Variants in NELL1 observed in about 807,000 individuals in gnomAD.
NELL1 encodes protein kinase C-binding protein NELL1.
Under a neutral mutation model 107.4 loss-of-function variants are expected in NELL1, and 76 were observed. The ratio of observed to expected loss-of-function variants is 0.71; its 90% CI spans 0.59 to 0.86. NELL1 has a LOEUF of 0.86. NELL1 is among the 40% of genes least tolerant of loss of function. The pLI is 0.00. For missense variants in NELL1, 1,024 were observed against 1,005.5 expected (o/e 1.02, Z -0.25); for synonymous variants, 353 against 341.2 (o/e 1.03, Z -0.38).
At chr11:21,003,409 T>G (rs1852265280) in intron 12 of NELL1, among the ~76,000 whole-genome samples, 1 of 152,124 alleles carries the variant, frequency 6.6e-6, no homozygotes, top group Non-Finnish European at 1.5e-5. Context: ...AAAATGCCAG[T>G]TTTTTTGCTA....
At chr11:20,956,057 A>G (rs1313591089) in intron 11 of NELL1, among the ~76,000 whole-genome samples, 2 of 151,986 alleles carry the variant, frequency 1.3e-5, no homozygotes, top group African/African-American at 4.8e-5. Context: ...CATCTCTACT[A>G]AAAATACAAA....
intron 9 of NELL1, among the ~76,000 whole-genome samples, chr11:20,929,351 C>T (rs1017312011): frequency 2.0e-5 from 3 of 152,108 alleles, no homozygotes; most frequent in Non-Finnish European, 4.4e-5. Flanking sequence ...CCTATTATGA[C>T]ACTGAAAGTG....
At chr11:20,938,258 T>A (rs1294233143) in intron 10 of NELL1, among the ~76,000 whole-genome samples, 1 of 152,154 alleles carries the variant, frequency 6.6e-6, no homozygotes, top group South Asian at 2.1e-4. Context: ...TGCCTCTTCC[T>A]CCTGCCTGCC....
chr11:21,075,679 C>G (rs565855385), intron 12 of NELL1, among the ~76,000 whole-genome samples: 1 of 152,286 alleles, frequency 6.6e-6, no homozygotes, highest in Admixed American at 6.5e-5. Flanking sequence ...CACCTATGCT[C>G]AAGTGATCCT....
chr11:20,711,354 G>A (rs1171776401), intron 2 of NELL1, among the ~76,000 whole-genome samples: 4 of 152,080 alleles, frequency 2.6e-5, no homozygotes, highest in African/African-American at 9.7e-5. Context: ...TATTTTTTAA[G>A]TCAAGCATTT....
chr11:20,928,142 G>C (rs1236754334), intron 8 of NELL1, among the ~76,000 whole-genome samples: 1 of 152,168 alleles, frequency 6.6e-6, no homozygotes, highest in Non-Finnish European at 1.5e-5. Flanking sequence ...AATCTAGTTA[G>C]CACACATGGG....
At chr11:20,885,312 T>C (rs948660589) in intron 4 of NELL1, 132 bp from the exon 5 acceptor site, 17 of 635,530 alleles carry the variant, frequency 2.7e-5, no homozygotes, top group Non-Finnish European at 4.9e-5. Context: ...ATGTTATCTG[T>C]CATGTAAAGT....
intron 8 of NELL1, 32 bp from the exon 9 acceptor site, chr11:20,928,345 T>G (rs2134173191): frequency 6.9e-4 from 1,049 of 1,511,744 alleles, no homozygotes; most frequent in Non-Finnish European, 8.8e-4. Flanking sequence ...AGGATACTTC[T>G]GAGATTATGT....
At chr11:20,995,901 G>T (rs1342520129) in intron 12 of NELL1, among the ~76,000 whole-genome samples, 8 of 152,196 alleles carry the variant, frequency 5.3e-5, no homozygotes, top group African/African-American at 1.7e-4. Flanking sequence ...ACTGGGCACT[G>T]AACTAGATGG....
chr11:21,014,237 T>C (rs1274770546), intron 12 of NELL1, among the ~76,000 whole-genome samples: 1 of 152,086 alleles, frequency 6.6e-6, no homozygotes, highest in Non-Finnish European at 1.5e-5. Flanking sequence ...TGACTATGAC[T>C]CGATGCTTCC....
intron 15 of NELL1, among the ~76,000 whole-genome samples, chr11:21,510,559 T>G (rs1855410523): frequency 6.6e-6 from 1 of 152,190 alleles, no homozygotes; most frequent in African/African-American, 2.4e-5. Flanking sequence ...GTAATGTCTT[T>G]GCTCCTACCC....
At chr11:20,979,427 T>TACC (rs1851704863) in intron 12 of NELL1, among the ~76,000 whole-genome samples, 1 of 152,182 alleles carries the variant, frequency 6.6e-6, no homozygotes, top group South Asian at 2.1e-4. Flanking sequence ...CTACTGGGCC[T>TACC]ACCCCCATGT....
intron 9 of NELL1, among the ~76,000 whole-genome samples, chr11:20,933,019 G>C (rs1850650051): frequency 6.6e-6 from 1 of 152,254 alleles, no homozygotes; most frequent in Admixed American, 6.5e-5. Flanking sequence ...ATAACTGCCA[G>C]AGGGAATTGC....
At chr11:20,730,044 A>G (rs1721766995) in intron 2 of NELL1, among the ~76,000 whole-genome samples, 1 of 152,188 alleles carries the variant, frequency 6.6e-6, no homozygotes. Context: ...GCTTAATCAT[A>G]TAGGACCTTA....
At chr11:21,161,323 A>G (rs2133800242) in intron 13 of NELL1, among the ~76,000 whole-genome samples, 1 of 152,304 alleles carries the variant, frequency 6.6e-6, no homozygotes, top group Middle Eastern at 3.4e-3. Context: ...AGATCATTTG[A>G]GGCCAGGAGT....
At chr11:21,537,663 C>CTTGT (rs1372626058) in intron 16 of NELL1, among the ~76,000 whole-genome samples, 2 of 151,888 alleles carry the variant, frequency 1.3e-5, no homozygotes, top group African/African-American at 2.4e-5. Context: ...GGGCAGAGAC[C>CTTGT]TTGTTTGCCT....
chr11:21,006,928 G>T (rs1852339752), intron 12 of NELL1, among the ~76,000 whole-genome samples: 1 of 152,110 alleles, frequency 6.6e-6, no homozygotes, highest in Non-Finnish European at 1.5e-5. Flanking sequence ...ACCTTAGAAT[G>T]CAAAGCACAA....
At chr11:21,061,777 G>A (rs902909365) in intron 12 of NELL1, among the ~76,000 whole-genome samples, 4 of 152,136 alleles carry the variant, frequency 2.6e-5, no homozygotes, top group Admixed American at 2.0e-4. Context: ...AACTGGAGGT[G>A]GGAGCATTTA....
intron 12 of NELL1, among the ~76,000 whole-genome samples, chr11:21,094,216 T>G (rs563004654): frequency 6.6e-6 from 1 of 152,306 alleles, no homozygotes; most frequent in Non-Finnish European, 1.5e-5. Flanking sequence ...AATCTTAAAA[T>G]TCCAAAGTGA....
Sources: allele counts gnomAD v4.1 joint callset (sites outside exome capture counted in the v4.1 genomes callset), GRCh38; gene constraint gnomAD v4.1.1; transcripts MANE v1.5; gene names NCBI Gene and HGNC (gene_info 2026-07-23, HGNC 2026-07-21).